PRICKLE2: variants seen among roughly 807,000 people sequenced by gnomAD.
The protein encoded by PRICKLE2 is prickle-like protein 2.
PRICKLE2 carries 21 observed loss-of-function variants against 81.4 expected under a neutral mutation model. That is an observed-to-expected ratio of 0.26 (90% CI 0.18 to 0.37). PRICKLE2 has a LOEUF of 0.37. Ranked by LOEUF, PRICKLE2 falls within the 10% of genes least tolerant of loss-of-function variation. The probability of loss-of-function intolerance (pLI) is 1.00; values close to 1 mark genes in which losing one functional copy is unlikely to be tolerated. For missense variants in PRICKLE2, 940 were observed against 1,109.0 expected, an observed-to-expected ratio of 0.85 and a Z score of 2.16; for synonymous variants, 456 against 421.5, an observed-to-expected ratio of 1.08 and a Z score of -1.00.
chr3:64,229,588 T>C (rs2079073122), upstream of PRICKLE2, among the ~76,000 whole-genome samples: 1 of 152,206 alleles, frequency 6.6e-6, no homozygotes, highest in Admixed American at 6.5e-5. Context: ...TGGCAGTGTT[T>C]CAGTTTTTGG....
At chr3:64,128,719 C>A (rs1148831) in intron 7 of PRICKLE2, among the ~76,000 whole-genome samples, 4 of 132,516 alleles carry the variant, frequency 3.0e-5, no homozygotes, top group Admixed American at 2.5e-4. Flanking sequence ...GTACTCCAGC[C>A]TGGGCAACAG....
rs775194500 is a variant in PRICKLE2 at position 64,153,227 on chromosome 3, C to T, written c.742G>A (p.Glu248Lys). The change falls in exon 6 of 8, where the codon GAG (glutamate) becomes AAG (lysine). Residue 248 changes from glutamate (E) to lysine (K), a missense_variant. Physicochemically the swap from Glu to Lys is moderately conservative, Grantham distance 56. Coordinates refer to ENST00000638394, the MANE Select transcript of PRICKLE2 (RefSeq NM_198859.4). ...EGRPYCCHCF[E>K]SLYAEYCDTC... is the part of the protein sequence containing the mutation. ...TCACAATATTCTGCATACAAGGACT[C>T]GAAGCAGTGGCAACAGTAGGGTCTT... 6.2e-6 allele frequency: 10 copies of T among 1,614,190 alleles called. No individual in the cohort carries two copies. The highest frequency in any genetic ancestry group is 7.6e-6 in the Non-Finnish European group (9 of 1,180,026).
At chr3:64,203,162 A>C (rs1443054903) in intron 1 of PRICKLE2, among the ~76,000 whole-genome samples, 1 of 152,226 alleles carries the variant, frequency 6.6e-6, no homozygotes, top group Non-Finnish European at 1.5e-5. Context: ...TCATCAAATC[A>C]GAAATATACA....
At chr3:64,125,584 G>T (rs4688184) in intron 7 of PRICKLE2, among the ~76,000 whole-genome samples, 5,641 of 152,264 alleles carry the variant, frequency 0.037, 318 homozygotes, top group East Asian at 0.28. Flanking sequence ...CTCTCCACCA[G>T]CAAAAACATT....
Position 64,225,377 on chromosome 3 carries a change from C to T in PRICKLE2, c.-508G>A, listed in dbSNP as rs563286456. Reference sequence around the variant, plus strand: ...AGTCAGCTGCTCACAGAGCTCAAGCCACTGAACCAGGAAATGTGCTGCTTG... The same window carrying T: ...AGTCAGCTGCTCACAGAGCTCAAGCTACTGAACCAGGAAATGTGCTGCTTG... On this transcript the variant is annotated 5_prime_UTR_variant, in exon 1 of 8. Transcript: ENST00000638394. The T allele has an allele frequency of 1.2e-4, 120 of 985,356 alleles. 2 individuals are homozygous for T. The South Asian group carries it at 4.7e-3, about 39-fold the overall frequency. The allele number at this position is 985,356 out of a possible 1,614,324, so 61.0% of individuals were successfully genotyped here.
intron 1 of PRICKLE2, among the ~76,000 whole-genome samples, chr3:64,214,852 G>T (rs764874228): frequency 1.3e-5 from 2 of 152,140 alleles, no homozygotes; most frequent in South Asian, 4.1e-4. Context: ...CATAGTTGAC[G>T]AAACGAACAA....
chr3:64,246,585 T>C (rs1247595735), intron 2 of PRICKLE2, among the ~76,000 whole-genome samples: 2 of 152,228 alleles, frequency 1.3e-5, no homozygotes, highest in Non-Finnish European at 2.9e-5. Context: ...TAAATACAGA[T>C]TGTTGGGCCC....
chr3:64,099,422 C>A lies in PRICKLE2; in HGVS notation c.2164G>T (p.Asp722Tyr). Reference sequence around the variant, plus strand: ...CGCTGGCGCATAAATTGGTCATAGTCCTCCCTGGCTCTCAGAGGGGGCCTA... The same window carrying A: ...CGCTGGCGCATAAATTGGTCATAGTACTCCCTGGCTCTCAGAGGGGGCCTA... ...KDRPPLRARE[D>Y]YDQFMRQRSF... The change falls in exon 8 of 8, where the codon GAC (aspartate) becomes TAC (tyrosine). Residue 722 changes from aspartate (D) to tyrosine (Y), a missense_variant. This residue lies in a region of PRICKLE2 where 670 missense variants were observed against 717.2 expected (regional missense o/e 0.93). Transcript: ENST00000638394. This position sits in a 1 kb window ranked among gnomAD's most constrained non-coding sequence, Gnocchi z 4.3. The A allele has an allele frequency of 6.3e-7, 1 of 1,594,688 alleles. No individual in the cohort carries two copies. The highest frequency in any genetic ancestry group is 1.1e-5 in the South Asian group (1 of 89,464).
chr3:64,237,506 A>G (rs1441288281), intron 2 of PRICKLE2, among the ~76,000 whole-genome samples: 1 of 151,980 alleles, frequency 6.6e-6, no homozygotes, highest in Admixed American at 6.5e-5. Flanking sequence ...TCTCTTGGAC[A>G]TTCAGCTCCT....
chr3:64,151,379 A>G (rs1193985845), intron 6 of PRICKLE2, among the ~76,000 whole-genome samples: 1 of 152,222 alleles, frequency 6.6e-6, no homozygotes, highest in Non-Finnish European at 1.5e-5. Flanking sequence ...GGAAAGGAGG[A>G]GAGAATGCCA....
rs2076530549 is a variant in PRICKLE2 at position 64,093,479 on chromosome 3, A to C, written c.*5572T>G. The C allele has an allele frequency of 6.6e-6, 1 of 152,198 alleles. No individual in the cohort carries two copies. Among genetic ancestry groups the C allele is most frequent in the African/African-American group, 2.4e-5 (1 of 41,434 alleles). 9.4% of individuals were successfully genotyped at this position (152,198 alleles called of 1,614,324 possible). A position where few individuals can be genotyped will look rare whatever the true frequency, so the allele number is the denominator to read the frequency against. On this transcript the variant is annotated 3_prime_UTR_variant, in exon 8 of 8. Coordinates refer to ENST00000638394, the MANE Select transcript of PRICKLE2 (RefSeq NM_198859.4). ...CACTACATCATTTTACATTCCCACC[A>C]ACAGTGTACAAGTGTTCCAATTGCT...
At chr3:64,114,519 GA>G (rs1173161618) in intron 7 of PRICKLE2, among the ~76,000 whole-genome samples, 1 of 152,022 alleles carries the variant, frequency 6.6e-6, no homozygotes, top group Non-Finnish European at 1.5e-5. Flanking sequence ...CCAATATAGA[GA>G]AAAACATAAC....
Position 64,153,371 on chromosome 3 carries a change from G to A in PRICKLE2, c.601-3C>T. ...GTGCATTCATCTGCAAAGATGATCT[G>A]GAGATGGGGAAGCCAAATGGTCAGT... On this transcript the variant is annotated splice_region_variant and splice_polypyrimidine_tract_variant and intron_variant, in intron 5 of 7. Transcript: ENST00000638394. The A allele has an allele frequency of 6.2e-7, 1 of 1,613,882 alleles. No individual in the cohort carries two copies. Among genetic ancestry groups the A allele is most frequent in the Non-Finnish European group, 8.5e-7 (1 of 1,180,010 alleles).
chr3:64,230,009 A>G (rs944468939), upstream of PRICKLE2, among the ~76,000 whole-genome samples: 5 of 152,196 alleles, frequency 3.3e-5, no homozygotes, highest in African/African-American at 1.2e-4. Context: ...CGACTCAGGG[A>G]TCTACTCTGC....
intron 2 of PRICKLE2, among the ~76,000 whole-genome samples, chr3:64,244,484 C>T (rs531726572): frequency 5.8e-4 from 88 of 152,144 alleles, no homozygotes; most frequent in African/African-American, 2.9e-4. Flanking sequence ...CTGGCCAGGG[C>T]TGATTTTCAA....
At chr3:64,142,118 T>C (rs368435843) in intron 7 of PRICKLE2, among the ~76,000 whole-genome samples, 10 of 152,136 alleles carry the variant, frequency 6.6e-5, no homozygotes, top group East Asian at 3.9e-4. Context: ...TGAAAGGCTA[T>C]GTAGGGTCTG....
chr3:64,109,861 C>G (rs552743753), intron 7 of PRICKLE2, among the ~76,000 whole-genome samples: 7 of 152,334 alleles, frequency 4.6e-5, no homozygotes, highest in Non-Finnish European at 1.0e-4. Context: ...AGAATCACTT[C>G]TCTGACAGAC....
intron 2 of PRICKLE2, among the ~76,000 whole-genome samples, chr3:64,192,776 T>G (rs186026170): frequency 6.6e-6 from 1 of 152,346 alleles, no homozygotes; most frequent in Non-Finnish European, 1.5e-5. Context: ...TTCTGGATGA[T>G]GAATCTAATT....
chr3:64,243,954 C>G (rs2079307983), intron 2 of PRICKLE2, among the ~76,000 whole-genome samples: 2 of 152,124 alleles, frequency 1.3e-5, no homozygotes, highest in Non-Finnish European at 2.9e-5. Flanking sequence ...TACCCATGCT[C>G]TTTCATGTCA....
Sources: allele counts gnomAD v4.1 joint callset (sites outside exome capture counted in the v4.1 genomes callset), GRCh38; gene constraint gnomAD v4.1.1; regional missense constraint gnomAD v4.1.1; non-coding constraint Gnocchi (gnomAD v3.1); transcripts MANE v1.5; gene names NCBI Gene and HGNC (gene_info 2026-07-23, HGNC 2026-07-21).